Variants in TBC1D12 observed in about 807,000 individuals in gnomAD.
TBC1D12 encodes the protein TBC1 domain family, member 12.
Under a neutral mutation model 86.7 loss-of-function variants are expected in TBC1D12, and 56 were observed. The observed-to-expected ratio is 0.65, with a 90% CI of 0.52 to 0.81. TBC1D12 has a LOEUF of 0.81. Ranked by LOEUF, TBC1D12 falls within the 30% of genes least tolerant of loss-of-function variation. TBC1D12 has a pLI of 0.00. For synonymous variants in TBC1D12, 421 were observed against 411.7 expected (o/e 1.02, Z -0.27); for missense variants, 1,023 against 1,038.8 (o/e 0.98, Z 0.21).
chr10:94,424,164 G>T (rs80069862), intron 1 of TBC1D12, among the ~76,000 whole-genome samples: 4,630 of 152,232 alleles, frequency 0.03, 112 homozygotes, highest in Middle Eastern at 0.14. Flanking sequence ...GTATCTGAGG[G>T]AAGTCCTGGA....
Position 94,403,406 on chromosome 10 carries a change from G to A in TBC1D12, c.793G>A (p.Gly265Ser). Reference sequence around the variant, plus strand: ...TAATGGGGGTGCGGAGCCGCGCCTGGGCTTTTCTGACATTCACTTCAACTC... The same window carrying A: ...TAATGGGGGTGCGGAGCCGCGCCTGAGCTTTTCTGACATTCACTTCAACTC... ...RTNGGAEPRL[G>S]FSDIHFNSRN... The change falls in exon 1 of 13, where the codon GGC becomes AGC. Residue 265 changes from glycine (G) to serine (S), a missense_variant. Coordinates refer to ENST00000225235, the MANE Select transcript of TBC1D12 (RefSeq NM_015188.2). The A allele has an allele frequency of 6.5e-7, 1 of 1,548,864 alleles. No individual in the cohort carries two copies.
At chr10:94,429,121 C>T (rs2055183719) in intron 1 of TBC1D12, among the ~76,000 whole-genome samples, 1 of 151,368 alleles carries the variant, frequency 6.6e-6, no homozygotes, top group Non-Finnish European at 1.5e-5. Context: ...TTTCTAAGGT[C>T]CCTAGAAGCT....
rs546685129 is a variant in TBC1D12 at position 94,466,851 on chromosome 10, T to C, written c.1096-7817T>C. 5.3e-5 allele frequency among the ~76,000 whole-genome samples: 8 copies of C among 152,324 alleles called. No homozygotes were observed. In the South Asian group the frequency reaches 1.0e-3, roughly 20 times the overall value. Reference sequence around the variant, plus strand: ...GTCCTATTTCTCTTTCAGTGTCTAATCCGGAATATCACATTATATTTTGCT... The same window carrying C: ...GTCCTATTTCTCTTTCAGTGTCTAACCCGGAATATCACATTATATTTTGCT... On this transcript the variant is annotated intron_variant, in intron 2 of 12. Coordinates refer to ENST00000225235, the MANE Select transcript of TBC1D12 (RefSeq NM_015188.2).
chr10:94,484,924 G>A (rs2056137224), intron 3 of TBC1D12, among the ~76,000 whole-genome samples: 1 of 152,142 alleles, frequency 6.6e-6, no homozygotes, highest in Non-Finnish European at 1.5e-5. Flanking sequence ...ATGTAGAAAT[G>A]TTACTGATTT....
At chr10:94,442,254 AC>A (rs753798622) in intron 2 of TBC1D12, among the ~76,000 whole-genome samples, 2 of 151,862 alleles carry the variant, frequency 1.3e-5, no homozygotes, top group Non-Finnish European at 2.9e-5. Flanking sequence ...TAGAACGTAG[AC>A]TTTTTTTTTT....
chr10:94,456,231 A>T (rs2055625850), intron 2 of TBC1D12, among the ~76,000 whole-genome samples: 1 of 150,876 alleles, frequency 6.6e-6, no homozygotes. Flanking sequence ...ATTTGCTTGA[A>T]TTTTTCTTGT....
At chr10:94,501,873 A>T (rs1220980538) in intron 6 of TBC1D12, among the ~76,000 whole-genome samples, 2 of 151,218 alleles carry the variant, frequency 1.3e-5, no homozygotes, top group African/African-American at 2.4e-5. Context: ...ATGAGTTTTT[A>T]AAAAATTAAG....
chr10:94,405,001 C>A lies in TBC1D12; in HGVS notation c.971+1417C>A, dbSNP rs148750466. On this transcript the variant is annotated intron_variant, in intron 1 of 12. Transcript: ENST00000225235. The stretch of plus-strand genomic sequence containing the variant: ...GGCGGAGGTTGCTGTGAGCTGAGAT[C>A]GAGCCATTGCACTGAAACCTGGGGA... 6.0e-5 allele frequency among the ~76,000 whole-genome samples: 9 copies of A among 149,288 alleles called. No homozygotes were observed. The East Asian group carries it at 1.6e-3, about 26-fold the overall frequency.
intron 2 of TBC1D12, among the ~76,000 whole-genome samples, chr10:94,457,513 C>G (rs2055645776): frequency 6.6e-6 from 1 of 152,174 alleles, no homozygotes; most frequent in South Asian, 2.1e-4. Flanking sequence ...CTCTTGGCCT[C>G]AAATGGTCCT....
chr10:94,456,071 T>C (rs542108712), intron 2 of TBC1D12, among the ~76,000 whole-genome samples: 2 of 152,368 alleles, frequency 1.3e-5, no homozygotes, highest in African/African-American at 4.8e-5. Context: ...TTTTGTTTTC[T>C]CTTAGTTATC....
Position 94,407,984 on chromosome 10 carries a change from C to T in TBC1D12, c.971+4400C>T, listed in dbSNP as rs574048529. Among the ~76,000 whole-genome samples the T allele has an allele frequency of 3.5e-4, 53 of 152,180 alleles. 1 individual carries two copies. Among genetic ancestry groups the T allele is most frequent in the Non-Finnish European group, 6.8e-4 (46 of 68,016 alleles). On this transcript the variant is annotated intron_variant, in intron 1 of 12. Transcript: ENST00000225235. ...ATGTCTCTTAAAAAAAGTTCTAAAC[C>T]GTTTTTGTGGGTTCTTCAAGTAAAT...
intron 1 of TBC1D12, among the ~76,000 whole-genome samples, chr10:94,418,936 G>A (rs192978482): frequency 1.5e-4 from 22 of 150,468 alleles, no homozygotes; most frequent in African/African-American, 5.1e-4. Context: ...GTGCAGTGGC[G>A]CGATCTCGGC....
At chr10:94,529,707 GTTT>G (rs1219063858) in intron 11 of TBC1D12, among the ~76,000 whole-genome samples, 1 of 152,046 alleles carries the variant, frequency 6.6e-6, no homozygotes, top group African/African-American at 2.4e-5. Context: ...TGGGAGAAGG[GTTT>G]TTTAATATTA....
intron 1 of TBC1D12, 139 bp downstream of exon 1, chr10:94,403,723 A>G (rs1044908533): frequency 2.3e-5 from 25 of 1,081,214 alleles, no homozygotes; most frequent in Non-Finnish European, 3.0e-5. Flanking sequence ...CACACGCGTC[A>G]GGACTTAGCT....
chr10:94,514,047 A>C (rs921186511), intron 9 of TBC1D12, among the ~76,000 whole-genome samples: 1 of 125,436 alleles, frequency 8.0e-6, no homozygotes, highest in Non-Finnish European at 1.7e-5. Flanking sequence ...CTCAAAAAAA[A>C]AACAAAAAAA....
chr10:94,456,656 C>A (rs951110741), intron 2 of TBC1D12, among the ~76,000 whole-genome samples: 1 of 152,132 alleles, frequency 6.6e-6, no homozygotes, highest in Non-Finnish European at 1.5e-5. Flanking sequence ...TTGTTGGATG[C>A]GGTAGTCTAC....
At chr10:94,452,188 T>G (rs1589625295) in intron 2 of TBC1D12, among the ~76,000 whole-genome samples, 1 of 151,458 alleles carries the variant, frequency 6.6e-6, no homozygotes, top group Non-Finnish European at 1.5e-5. Flanking sequence ...GTACAGAGAG[T>G]TCCATATAAC....
chr10:94,480,623 G>A (rs2056063049), intron 3 of TBC1D12, among the ~76,000 whole-genome samples: 1 of 151,594 alleles, frequency 6.6e-6, no homozygotes, highest in Non-Finnish European at 1.5e-5. Flanking sequence ...TTTGCATTTA[G>A]GTTTCCCAGT....
chr10:94,474,282 A>C (rs116302314), intron 2 of TBC1D12, among the ~76,000 whole-genome samples: 1 of 152,000 alleles, frequency 6.6e-6, no homozygotes, highest in East Asian at 1.9e-4. Context: ...TCCTTCTCTT[A>C]CATTTTGATA....
Sources: gnomAD v4.1 joint callset for allele counts (sites outside exome capture counted in the v4.1 genomes callset) on GRCh38, gnomAD v4.1.1 for gene constraint, MANE v1.5 for transcripts, NCBI Gene and HGNC (gene_info 2026-07-23, HGNC 2026-07-21) for gene names.